The following CD226 variants were observed in gnomAD, a reference collection of about 807,000 sequenced individuals.
CD226 encodes CD226 molecule.
CD226 carries 24 observed loss-of-function variants against 34.9 expected under a neutral mutation model. The observed-to-expected ratio is 0.69, with a 90% CI of 0.50 to 0.97. CD226 has a LOEUF of 0.97. CD226 is among the 50% of genes least tolerant of loss of function. CD226 has a pLI of 0.00. For missense variants in CD226, 397 were observed against 412.7 expected (o/e 0.96, Z 0.33); for synonymous variants, 148 against 147.4 (o/e 1.00, Z -0.03).
chr18:69,930,737 T>G (rs2055578942), intron 2 of CD226, among the ~76,000 whole-genome samples: 1 of 152,186 alleles, frequency 6.6e-6, no homozygotes, highest in East Asian at 1.9e-4. Context: ...AGAAAATCCT[T>G]GAGTAGTTCT....
chr18:69,882,693 G>T (rs1278832072), intron 3 of CD226, among the ~76,000 whole-genome samples: 1 of 152,208 alleles, frequency 6.6e-6, no homozygotes, highest in East Asian at 1.9e-4. Context: ...GTCAAGAGCT[G>T]CACATACCTT....
intron 4 of CD226, among the ~76,000 whole-genome samples, chr18:69,869,241 A>G (rs1983349799): frequency 6.6e-6 from 1 of 152,218 alleles, no homozygotes; most frequent in African/African-American, 2.4e-5. Flanking sequence ...TAGCAAAGAC[A>G]TGGAATCAAC....
chr18:69,960,870 G>GA (rs1377737226), upstream of CD226, among the ~76,000 whole-genome samples: 1 of 152,256 alleles, frequency 6.6e-6, no homozygotes, highest in Non-Finnish European at 1.5e-5. Flanking sequence ...TGAGACACTA[G>GA]AAAAATCTCA....
intron 1 of CD226, among the ~76,000 whole-genome samples, chr18:69,953,211 A>G (rs1187776780): frequency 6.6e-6 from 1 of 152,220 alleles, no homozygotes; most frequent in African/African-American, 2.4e-5. Flanking sequence ...CAGAAGTTTT[A>G]TTCCTAGGTA....
At chr18:69,937,370 G>A (rs2055667972) in intron 2 of CD226, among the ~76,000 whole-genome samples, 1 of 152,006 alleles carries the variant, frequency 6.6e-6, no homozygotes, top group African/African-American at 2.4e-5. Context: ...CAATTCTCCT[G>A]GAATAGTGCC....
rs1389570605 is a variant in CD226 at position 69,853,401 on chromosome 18, C to T, written c.*10913G>A. On this transcript the variant is annotated 3_prime_UTR_variant, in exon 6 of 6. Transcript: ENST00000582621. ...TTCTGCCCTCTGTTGTGTTCATCTTCCTTCCTATTGTGTTTTTTTCTCAGA... is the reference window on the plus strand; with the variant it reads ...TTCTGCCCTCTGTTGTGTTCATCTTTCTTCCTATTGTGTTTTTTTCTCAGA... 1 of 152,148 alleles carries T rather than the reference C, an allele frequency of 6.6e-6. No homozygotes were observed. Among genetic ancestry groups the T allele is most frequent in the East Asian group, 1.9e-4 (1 of 5,190 alleles). The allele number at this position is 152,148 out of a possible 1,614,324, so 9.4% of individuals were successfully genotyped here.
intron 3 of CD226, among the ~76,000 whole-genome samples, chr18:69,874,663 C>T (rs1265311139): frequency 1.3e-5 from 2 of 152,210 alleles, no homozygotes; most frequent in African/African-American, 4.8e-5. Context: ...AATTTCTTCT[C>T]ACTTTATCCA....
chr18:69,867,327 GA>G, intron 5 of CD226, 29 bp downstream of exon 5: 6 of 1,499,438 alleles, frequency 4.0e-6, no homozygotes, highest in Non-Finnish European at 5.6e-6. Context: ...AATTACAAAA[GA>G]AAAAAATGAC....
intron 4 of CD226, among the ~76,000 whole-genome samples, chr18:69,872,351 A>C (rs1983588795): frequency 6.6e-6 from 1 of 152,196 alleles, no homozygotes; most frequent in Non-Finnish European, 1.5e-5. Context: ...GAAGGGGAAG[A>C]AAAACTCAGC....
chr18:69,859,713 A>C lies in CD226; in HGVS notation c.*4601T>G, dbSNP rs1982720200. The C allele has an allele frequency of 6.6e-6, 1 of 152,014 alleles. No individual in the cohort carries two copies. The highest frequency in any genetic ancestry group is 1.5e-5 in the Non-Finnish European group (1 of 68,046). 9.4% of individuals were successfully genotyped at this position (152,014 alleles called of 1,614,324 possible). ...AAGGGACTACTATGTTTCGGGAAAA[A>C]CAAAAACAAACAAACAAAAAACCTG... On this transcript the variant is annotated 3_prime_UTR_variant, in exon 6 of 6. Coordinates refer to ENST00000582621, the MANE Select transcript of CD226 (RefSeq NM_001303618.2).
chr18:69,890,858 A>T (rs1984853395), intron 3 of CD226, among the ~76,000 whole-genome samples: 1 of 152,152 alleles, frequency 6.6e-6, no homozygotes, highest in East Asian at 1.9e-4. Flanking sequence ...ATTCTATCAA[A>T]CATTCTAGGA....
chr18:69,904,356 C>G (rs185618406), intron 2 of CD226, among the ~76,000 whole-genome samples: 1 of 152,302 alleles, frequency 6.6e-6, no homozygotes, highest in African/African-American at 2.4e-5. Flanking sequence ...AAAGGACTTG[C>G]AATGCAGGCC....
At position 69,864,403 on chromosome 18, in the gene CD226, G is replaced by A; in HGVS notation, c.922C>T (p.Gln308Ter). The A allele has an allele frequency of 6.2e-7, 1 of 1,613,450 alleles. No homozygotes were observed. Among genetic ancestry groups the A allele is most frequent in the African/African-American group, 1.3e-5 (1 of 75,032 alleles). The change falls in exon 6 of 6, where the codon CAA (glutamine) becomes TAA (stop). Residue 308 changes from glutamine (Q) to a stop codon, truncating the protein, a stop_gained. Coordinates refer to ENST00000582621, the MANE Select transcript of CD226 (RefSeq NM_001303618.2). LOFTEE classifies it high-confidence loss of function. ...TCATCCATGGATTGATTGGTAGGTT[G>A]ACTGGTAGAGATGGGACTTCTATAG... is the stretch of plus-strand genomic sequence containing the variant. ...NNYRSPISTSQPTNQSMDDTR... is the reference protein window; with the variant it reads ...NNYRSPISTS
At chr18:69,914,226 C>G (rs1003394799) in intron 2 of CD226, among the ~76,000 whole-genome samples, 2 of 152,172 alleles carry the variant, frequency 1.3e-5, no homozygotes, top group African/African-American at 4.8e-5. Context: ...AACTACTCTA[C>G]GACCTTGACA....
At chr18:69,923,909 G>A (rs1414363407) in intron 2 of CD226, among the ~76,000 whole-genome samples, 13 of 150,434 alleles carry the variant, frequency 8.6e-5, no homozygotes, top group East Asian at 7.9e-4. Flanking sequence ...AGCCGAGATC[G>A]CGCCACTGCA....
At position 69,902,580 on chromosome 18, in the gene CD226, G is replaced by A. The variant is rs1190499615; in HGVS notation, c.383-6535C>T. Among the ~76,000 whole-genome samples, 4 of 150,762 alleles carry A rather than the reference G, an allele frequency of 2.7e-5. No individual in the cohort carries two copies. The East Asian group carries it at 7.9e-4, about 30-fold the overall frequency. Reference sequence around the variant, plus strand: ...TGCTTGTCCCTAAAAAAAAATGTGTGTTGTGCCCCCAGGAGTCCACTGCCC... The same window carrying A: ...TGCTTGTCCCTAAAAAAAAATGTGTATTGTGCCCCCAGGAGTCCACTGCCC... On this transcript the variant is annotated intron_variant, in intron 2 of 5. Transcript: ENST00000582621.
chr18:69,921,396 G>A (rs558920970), intron 2 of CD226, among the ~76,000 whole-genome samples: 6 of 152,230 alleles, frequency 3.9e-5, no homozygotes, highest in Non-Finnish European at 7.4e-5. Flanking sequence ...CTTTGGGGGC[G>A]CAGTTTGCAT....
intron 2 of CD226, among the ~76,000 whole-genome samples, chr18:69,940,108 G>T (rs373462526): frequency 6.6e-6 from 1 of 152,084 alleles, no homozygotes; most frequent in South Asian, 2.1e-4. Flanking sequence ...GGTTTTATAA[G>T]GGGCTTCCCC....
At chr18:69,931,366 A>G (rs1231033560) in intron 2 of CD226, among the ~76,000 whole-genome samples, 1 of 152,146 alleles carries the variant, frequency 6.6e-6, no homozygotes, top group African/African-American at 2.4e-5. Context: ...CATGTACCCT[A>G]AAACTTAAAG....
Sources: gnomAD v4.1 joint callset for allele counts (sites outside exome capture counted in the v4.1 genomes callset) on GRCh38, gnomAD v4.1.1 for gene constraint, MANE v1.5 for transcripts, NCBI Gene and HGNC (gene_info 2026-07-23, HGNC 2026-07-21) for gene names.